NAALADL2: variants seen among roughly 807,000 people sequenced by gnomAD.
The protein encoded by NAALADL2 is N-acetylated alpha-linked acidic dipeptidase like 2.
A neutral mutation model predicts 87.2 loss-of-function variants in NAALADL2; 76 were observed. The ratio of observed to expected loss-of-function variants is 0.87; its 90% CI spans 0.72 to 1.05. The LOEUF (loss-of-function observed/expected upper bound fraction) is 1.05. Among genes scored for constraint, NAALADL2 ranks in the 50% least tolerant of loss-of-function variants. The probability of loss-of-function intolerance (pLI) is 0.00; values close to 1 mark genes in which losing one functional copy is unlikely to be tolerated. For missense variants in NAALADL2, 1,089 were observed against 945.8 expected, an observed-to-expected ratio of 1.15 and a Z score of -1.99; for synonymous variants, 354 against 331.0, an observed-to-expected ratio of 1.07 and a Z score of -0.75.
intron 11 of NAALADL2, among the ~76,000 whole-genome samples, chr3:175,730,705 C>A (rs1743626858): frequency 6.6e-6 from 1 of 151,714 alleles, no homozygotes; most frequent in African/African-American, 2.4e-5. Flanking sequence ...CAGTTTTCAA[C>A]ACAATGATCC....
rs1372930570 is a variant in NAALADL2 at position 175,808,548 on chromosome 3, T to G, written c.*5345T>G. 6.6e-6 allele frequency: 1 copy of G among 151,992 alleles called. No homozygotes were observed. The highest frequency in any genetic ancestry group is 2.4e-5 in the African/African-American group (1 of 41,428). The allele number at this position is 151,992 out of a possible 1,614,324, so 9.4% of individuals were successfully genotyped here. On this transcript the variant is annotated 3_prime_UTR_variant, in exon 14 of 14. Coordinates refer to ENST00000454872, the MANE Select transcript of NAALADL2 (RefSeq NM_207015.3). Reference sequence around the variant, plus strand: ...AGCTTTAATGAGTGCAGACCCAGCCTAACAGTATTTCATCTAATTTCTTTG... The same window carrying G: ...AGCTTTAATGAGTGCAGACCCAGCCGAACAGTATTTCATCTAATTTCTTTG...
In NAALADL2 at chr3:174,876,950, G is replaced by T. The variant is rs539050011; in HGVS notation, c.43+17500G>T. On this transcript the variant is annotated intron_variant, in intron 1 of 13. Transcript: ENST00000454872. ...TTGGTGAGGGCTCTCTTCCTGGCTT[G>T]CAGATGGCCAACTTCTTGCATTTTT... Among the ~76,000 whole-genome samples the T allele has an allele frequency of 7.2e-5, 11 of 152,268 alleles. No homozygotes were observed. The South Asian group carries it at 2.3e-3, about 32-fold the overall frequency.
intron 2 of NAALADL2, among the ~76,000 whole-genome samples, chr3:175,224,706 A>T (rs954923540): frequency 6.6e-6 from 1 of 152,146 alleles, no homozygotes. Context: ...TTGTCAATGC[A>T]GCTTATTTCT....
intron 11 of NAALADL2, among the ~76,000 whole-genome samples, chr3:175,661,251 G>T (rs113709913): frequency 1.1e-4 from 16 of 151,766 alleles, no homozygotes; most frequent in African/African-American, 3.9e-4. Context: ...GATTGATGTT[G>T]TTGAGCTTTT....
chr3:174,453,038 A>G (rs1440004629), intron 1 of NAALADL2, among the ~76,000 whole-genome samples: 1 of 152,208 alleles, frequency 6.6e-6, no homozygotes, highest in East Asian at 1.9e-4. Context: ...AAGAATCACA[A>G]TAAAATAATA....
chr3:174,628,520 T>G (rs1721812270), intron 2 of NAALADL2, among the ~76,000 whole-genome samples: 1 of 151,892 alleles, frequency 6.6e-6, no homozygotes, highest in Non-Finnish European at 1.5e-5. Flanking sequence ...CTATTCCCTG[T>G]TTTTATACAT....
chr3:174,693,800 A>G (rs1028157152), intron 2 of NAALADL2, among the ~76,000 whole-genome samples: 1 of 152,088 alleles, frequency 6.6e-6, no homozygotes, highest in Non-Finnish European at 1.5e-5. Context: ...GTTTATAGAG[A>G]GTGTGTACAT....
intron 1 of NAALADL2, among the ~76,000 whole-genome samples, chr3:174,530,053 G>A (rs1163769110): frequency 6.6e-6 from 1 of 151,958 alleles, no homozygotes; most frequent in East Asian, 1.9e-4. Context: ...CTTTTCTATC[G>A]CATTGTCAGG....
intron 1 of NAALADL2, among the ~76,000 whole-genome samples, chr3:174,898,586 G>A (rs9809334): frequency 0.37 from 56,564 of 151,626 alleles, 11,533 homozygotes; most frequent in African/African-American, 0.55. Context: ...TTCCAATTGC[G>A]TGCTTGTGTT....
At chr3:175,129,457 C>T (rs1727467369) in intron 2 of NAALADL2, among the ~76,000 whole-genome samples, 1 of 152,246 alleles carries the variant, frequency 6.6e-6, no homozygotes, top group Admixed American at 6.5e-5. Flanking sequence ...TAGTCTTTGA[C>T]CAGCATCTCC....
chr3:175,722,755 T>G (rs764785010), intron 11 of NAALADL2, among the ~76,000 whole-genome samples: 1 of 152,182 alleles, frequency 6.6e-6, no homozygotes, highest in Non-Finnish European at 1.5e-5. Flanking sequence ...AAATCATCTA[T>G]TCACAGTTAC....
intron 1 of NAALADL2, among the ~76,000 whole-genome samples, chr3:175,037,321 C>A (rs776366447): frequency 6.6e-6 from 1 of 152,108 alleles, no homozygotes; most frequent in African/African-American, 2.4e-5. Context: ...TGCTAGCCTA[C>A]AGCTGTACCC....
chr3:174,723,798 A>G (rs1232610035), intron 2 of NAALADL2, among the ~76,000 whole-genome samples: 2 of 148,776 alleles, frequency 1.3e-5, no homozygotes, highest in African/African-American at 2.5e-5. Flanking sequence ...AGATAGAAGT[A>G]CAACTTAAAC....
chr3:175,068,088 A>G (rs1304529899), intron 1 of NAALADL2, among the ~76,000 whole-genome samples: 1 of 152,040 alleles, frequency 6.6e-6, no homozygotes, highest in African/African-American at 2.4e-5. Context: ...GAACTATTAC[A>G]GTCGGGGGAA....
intron 3 of NAALADL2, among the ~76,000 whole-genome samples, chr3:174,774,767 C>T (rs879875374): frequency 2.0e-5 from 3 of 152,168 alleles, no homozygotes; most frequent in Non-Finnish European, 4.4e-5. Context: ...TGAACATCTT[C>T]AGCTATTTTA....
At chr3:175,711,406 T>C in intron 11 of NAALADL2, among the ~76,000 whole-genome samples, 1 of 151,974 alleles carries the variant, frequency 6.6e-6, no homozygotes, top group South Asian at 2.1e-4. Context: ...TGCAATGTGG[T>C]TTACTAGATA....
intron 1 of NAALADL2, among the ~76,000 whole-genome samples, chr3:174,469,332 A>C (rs950562513): frequency 4.0e-5 from 6 of 149,874 alleles, no homozygotes; most frequent in African/African-American, 1.5e-4. Context: ...ATCTCGGCTC[A>C]CTGCAACCTC....
At chr3:175,604,625 C>G (rs1298168434) in intron 10 of NAALADL2, among the ~76,000 whole-genome samples, 3 of 152,048 alleles carry the variant, frequency 2.0e-5, no homozygotes, top group African/African-American at 7.2e-5. Context: ...AAAGTCTTCC[C>G]ATTTCTTCTA....
chr3:174,819,919 A>G (rs1425656704), intron 3 of NAALADL2, among the ~76,000 whole-genome samples: 2 of 152,186 alleles, frequency 1.3e-5, no homozygotes, highest in Non-Finnish European at 1.5e-5. Context: ...ATCATGATCA[A>G]TTAGGACAAC....
Sources: allele counts gnomAD v4.1 joint callset (sites outside exome capture counted in the v4.1 genomes callset), GRCh38; gene constraint gnomAD v4.1.1; transcripts MANE v1.5; gene names NCBI Gene and HGNC (gene_info 2026-07-23, HGNC 2026-07-21).